The following MYH7B variants were observed in gnomAD, a reference collection of about 807,000 sequenced individuals.
MYH7B encodes the protein myosin heavy chain 7B.
MYH7B carries 205 observed loss-of-function variants against 234.5 expected under a neutral mutation model. The ratio of observed to expected loss-of-function variants is 0.87; its 90% CI spans 0.78 to 0.98. MYH7B has a LOEUF of 0.98. Ranked by LOEUF, MYH7B falls within the 50% of genes least tolerant of loss-of-function variation. The probability of loss-of-function intolerance (pLI) is 0.00; values close to 1 mark genes in which losing one functional copy is unlikely to be tolerated. For synonymous variants in MYH7B, 1,193 were observed against 1,105.0 expected (o/e 1.08, Z -1.58); for missense variants, 2,652 against 2,633.4 (o/e 1.01, Z -0.15).
chr20:34,972,569 G>T (rs1343944089), intron 2 of MYH7B, among the ~76,000 whole-genome samples: 7 of 152,068 alleles, frequency 4.6e-5, no homozygotes, highest in Non-Finnish European at 5.9e-5. Context: ...CTCCAGGGGA[G>T]TGTCAGCTCT....
Position 35,000,867 on chromosome 20 carries a change from G to C in MYH7B, c.5278G>C (p.Glu1760Gln), listed in dbSNP as rs750702462. 2.1e-5 allele frequency: 34 copies of C among 1,613,364 alleles called. No individual in the cohort carries two copies. The South Asian group carries it at 3.7e-4, about 18-fold the overall frequency. ...TGCACAGGAGAGGCGGGAGGCTGAGGAGAAGGCCAAAAAGGCCATCACTGA... is the reference window on the plus strand; with the variant it reads ...TGCACAGGAGAGGCGGGAGGCTGAGCAGAAGGCCAAAAAGGCCATCACTGA... Residue 1760 changes from glutamate (E) to glutamine (Q), a missense_variant, in exon 40 of 45, where the codon GAG (glutamate) becomes CAG (glutamine). Transcript: ENST00000262873.
intron 10 of MYH7B, among the ~76,000 whole-genome samples, chr20:34,984,315 G>A (rs912708352): frequency 6.6e-6 from 1 of 152,168 alleles, no homozygotes; most frequent in Admixed American, 6.5e-5. Context: ...GAGCAGCCAG[G>A]AGGCCTTCCT....
At chr20:34,978,701 T>C (rs1480577669) in intron 5 of MYH7B, among the ~76,000 whole-genome samples, 1 of 152,180 alleles carries the variant, frequency 6.6e-6, no homozygotes, top group Admixed American at 6.5e-5. Flanking sequence ...TTGTGTTTGA[T>C]TCGACACTCT....
At chr20:34,961,168 C>G (rs1267129306) in intron 2 of MYH7B, among the ~76,000 whole-genome samples, 1 of 152,208 alleles carries the variant, frequency 6.6e-6, no homozygotes, top group Non-Finnish European at 1.5e-5. Flanking sequence ...TATAGACCCT[C>G]TTCTCCACTT....
Position 34,997,612 on chromosome 20 carries a change from C to T in MYH7B, c.3719C>T (p.Ala1240Val). Residue 1240 changes from alanine to valine, a missense_variant, in exon 32 of 45, where the codon GCC becomes GTC. Around this residue, in one of 3 missense-constraint regions of MYH7B, gnomAD observed 2,279 missense variants for 2,211.4 expected, o/e 1.03. Transcript: ENST00000262873. ...CGCATGGAGGTGGACGACCTGGCTGCCAACGTGGAGACTCTGACCCGCGCC... is the reference window on the plus strand; with the variant it reads ...CGCATGGAGGTGGACGACCTGGCTGTCAACGTGGAGACTCTGACCCGCGCC... 1 of 1,613,596 alleles carries T rather than the reference C, an allele frequency of 6.2e-7. No homozygotes were observed. Among genetic ancestry groups the T allele is most frequent in the Non-Finnish European group, 8.5e-7 (1 of 1,179,726 alleles).
exon 35 of MYH7B, chr20:34,998,865 C>G: frequency 6.2e-7 from 1 of 1,613,238 alleles, no homozygotes. Context: ...AGTGGAGGAG[C>G]AAGTACGAAG....
chr20:34,988,328 T>C, intron 19 of MYH7B, 66 bp downstream of exon 19: 2 of 1,532,822 alleles, frequency 1.3e-6, no homozygotes, highest in Admixed American at 3.7e-5. Flanking sequence ...CAGGGATGGA[T>C]GACCATGGCT....
intron 2 of MYH7B, among the ~76,000 whole-genome samples, chr20:34,962,307 C>G (rs1477046661): frequency 6.6e-6 from 1 of 152,112 alleles, no homozygotes; most frequent in Non-Finnish European, 1.5e-5. Flanking sequence ...TGGGTAGATA[C>G]CTAGGAGTGG....
chr20:34,960,977 T>C (rs914753544), intron 2 of MYH7B, among the ~76,000 whole-genome samples: 50 of 152,142 alleles, frequency 3.3e-4, no homozygotes, highest in African/African-American at 9.7e-5. Context: ...TGGTGGTTGA[T>C]GGCACGAGGG....
intron 26 of MYH7B, 70 bp from the exon 27 acceptor site, chr20:34,994,076 C>T: frequency 1.3e-6 from 2 of 1,565,882 alleles, no homozygotes; most frequent in South Asian, 2.4e-5. Context: ...AACAAGTGAA[C>T]TGTGCTGAGT....
At chr20:34,972,985 A>T (rs1209929379) in intron 2 of MYH7B, among the ~76,000 whole-genome samples, 4 of 152,196 alleles carry the variant, frequency 2.6e-5, no homozygotes, top group Non-Finnish European at 5.9e-5. Context: ...GCTTACAAAC[A>T]CATAAATCTG....
chr20:34,977,790 C>T, intron 4 of MYH7B, 110 bp downstream of exon 4: 1 of 1,507,566 alleles, frequency 6.6e-7, no homozygotes, highest in South Asian at 1.2e-5. Flanking sequence ...GTGGAGGAAG[C>T]CCTGGTGTTT....
At chr20:34,968,398 G>C (rs1337957621) in intron 2 of MYH7B, among the ~76,000 whole-genome samples, 1 of 152,212 alleles carries the variant, frequency 6.6e-6, no homozygotes, top group Non-Finnish European at 1.5e-5. Context: ...CCACAACCCA[G>C]TGGAATAAGG....
At chr20:34,984,603 G>A in intron 10 of MYH7B, 89 bp from the exon 11 acceptor site, 4 of 1,234,244 alleles carry the variant, frequency 3.2e-6, no homozygotes, top group Middle Eastern at 2.7e-4. Context: ...CTGTCCTGCT[G>A]CCCGCTGCCT....
At chr20:34,992,444 A>AT (rs1241713163) in intron 24 of MYH7B, among the ~76,000 whole-genome samples, 1 of 151,318 alleles carries the variant, frequency 6.6e-6, no homozygotes, top group East Asian at 1.9e-4. Flanking sequence ...AGGGTACAGC[A>AT]TGTCACCTTC....
rs1345854591 is a variant in MYH7B, at chr20:34,998,199, A to G, written c.3748-96A>G. The G allele has an allele frequency of 2.1e-6, 3 of 1,443,486 alleles. No homozygotes were observed. The African/African-American group carries it at 4.2e-5, about 20-fold the overall frequency. The allele number at this position is 1,443,486 out of a possible 1,614,324, so 89.4% of individuals were successfully genotyped here. ...CCCTTTGATTCCTGGGCCCACATCT[A>G]GCTTACCAGTCTCTGATCCCAGATC... On this transcript the variant is annotated intron_variant, in intron 32 of 44. Transcript: ENST00000262873.
At chr20:34,995,770 G>A (rs1166929478) in intron 28 of MYH7B, among the ~76,000 whole-genome samples, 192 bp downstream of exon 28, 1 of 152,266 alleles carries the variant, frequency 6.6e-6, no homozygotes, top group Non-Finnish European at 1.5e-5. Context: ...AGGGTAGGTG[G>A]TGATGTGTGT....
chr20:34,998,970 AG>A, intron 35 of MYH7B, 55 bp downstream of exon 35: 1 of 1,585,974 alleles, frequency 6.3e-7, no homozygotes, highest in Non-Finnish European at 8.6e-7. Flanking sequence ...CCTGTGCCTG[AG>A]CCCCGCTGAG....
chr20:34,986,139 G>A, exon 14 of MYH7B: 4 of 1,597,836 alleles, frequency 2.5e-6, no homozygotes, highest in Non-Finnish European at 2.6e-6. Flanking sequence ...CAGTTGCCTG[G>A]TGAGCGCAGC....
Sources: gnomAD v4.1 joint callset for allele counts (sites outside exome capture counted in the v4.1 genomes callset) on GRCh38, gnomAD v4.1.1 for gene constraint, gnomAD v4.1.1 regional missense constraint, MANE v1.5 for transcripts, NCBI Gene and HGNC (gene_info 2026-07-23, HGNC 2026-07-21) for gene names.